SP4: variants seen among roughly 807,000 people sequenced by gnomAD.
SP4 encodes the protein transcription factor Sp4.
SP4 carries 19 observed loss-of-function variants against 72.8 expected under a neutral mutation model. The ratio of observed to expected loss-of-function variants is 0.26; its 90% CI spans 0.18 to 0.38. SP4 has a LOEUF of 0.38. Ranked by LOEUF, SP4 falls within the 10% of genes least tolerant of loss-of-function variation. The probability of loss-of-function intolerance (pLI) is 1.00; values close to 1 mark genes in which losing one functional copy is unlikely to be tolerated. For missense variants in SP4, 1,008 were observed against 926.3 expected, an observed-to-expected ratio of 1.09 and a Z score of -1.14; for synonymous variants, 395 against 333.1, an observed-to-expected ratio of 1.19 and a Z score of -2.02.
At chr7:21,438,018 T>C (rs79621484) in intron 3 of SP4, among the ~76,000 whole-genome samples, 4 of 151,676 alleles carry the variant, frequency 2.6e-5, no homozygotes, top group Admixed American at 2.0e-4. Flanking sequence ...TTTTTTTTTT[T>C]CTAACGTAGT....
chr7:21,502,047 C>G lies in SP4; in HGVS notation c.2108-8975C>G, dbSNP rs1020251132. 4.4e-5 allele frequency among the ~76,000 whole-genome samples: 5 copies of G among 114,770 alleles called. 1 individual carries two copies. Among genetic ancestry groups the G allele is most frequent in the Non-Finnish European group, 5.4e-5 (3 of 55,170 alleles). The allele number at this position is 114,770 out of a possible 152,430, so 75.3% of individuals were successfully genotyped here. ...GCCTTAAATTCATTAGGCACCCCCC[C>G]CCCCCCGGAACTCCTATAGAGTTAA... is the stretch of plus-strand genomic sequence containing the variant. On this transcript the variant is annotated intron_variant, in intron 5 of 5. Coordinates refer to ENST00000222584, the MANE Select transcript of SP4 (RefSeq NM_003112.5).
chr7:21,454,806 CA>C (rs1430902126), intron 3 of SP4, among the ~76,000 whole-genome samples: 3 of 152,116 alleles, frequency 2.0e-5, no homozygotes, highest in African/African-American at 7.2e-5. Flanking sequence ...GGCTATTAGA[CA>C]GATGAATTCA....
At chr7:21,482,578 AATATT>A in intron 5 of SP4, 1 of 734,820 alleles carries the variant, frequency 1.4e-6, no homozygotes, top group East Asian at 1.3e-4. Flanking sequence ...GTCAGTTGTT[AATATT>A]ATATTTTCTG....
intron 5 of SP4, among the ~76,000 whole-genome samples, chr7:21,510,093 C>T (rs1782104257): frequency 6.6e-6 from 1 of 152,172 alleles, no homozygotes; most frequent in Non-Finnish European, 1.5e-5. Flanking sequence ...ATTCAGTTAT[C>T]TCCCACTGGG....
chr7:21,454,899 C>A lies in SP4; in HGVS notation c.1679-22180C>A, dbSNP rs147270416. ...TTCTTTTTAGGGAAGGGGTGCCATA[C>A]GCCCCCATTACCTGACAGGATTTGG... On this transcript the variant is annotated intron_variant, in intron 3 of 5. Transcript: ENST00000222584. Among the ~76,000 whole-genome samples, 3 of 152,314 alleles carry A rather than the reference C, an allele frequency of 2.0e-5. No homozygotes were observed. In the East Asian group the frequency reaches 5.8e-4, roughly 29 times the overall value.
At chr7:21,458,117 T>C (rs908855309) in intron 3 of SP4, among the ~76,000 whole-genome samples, 1 of 152,168 alleles carries the variant, frequency 6.6e-6, no homozygotes, top group Non-Finnish European at 1.5e-5. Flanking sequence ...GTTCATTTCT[T>C]GTCTGACCAC....
chr7:21,500,107 ATGGTATTCTC>A (rs1168117537), intron 5 of SP4, among the ~76,000 whole-genome samples: 1 of 152,222 alleles, frequency 6.6e-6, no homozygotes, highest in Non-Finnish European at 1.5e-5. Flanking sequence ...GTGATAAAGC[ATGGTATTCTC>A]TTAGATAATC....
chr7:21,429,646 G>A lies in SP4; in HGVS notation c.481G>A (p.Gly161Ser), dbSNP rs919758319. The A allele has an allele frequency of 2.9e-5, 47 of 1,613,930 alleles. No homozygotes were observed. The highest frequency in any genetic ancestry group is 4.0e-5 in the African/African-American group (3 of 74,894). The change falls in exon 3 of 6, where the codon GGT becomes AGT. Residue 161 changes from glycine to serine, a missense_variant. By Grantham distance (56) the Gly-to-Ser change is moderately conservative (BLOSUM62 0). This residue lies in a region of SP4 where 893 missense variants were observed against 743.3 expected (regional missense o/e 1.20). Coordinates refer to ENST00000222584, the MANE Select transcript of SP4 (RefSeq NM_003112.5). ...FQVIQVQNPS[G>S]SVQYQVIPQL... ...AGTCATACAAGTACAAAATCCAAGTGGTAGTGTACAGTACCAAGTAATTCC... is the reference window on the plus strand; with the variant it reads ...AGTCATACAAGTACAAAATCCAAGTAGTAGTGTACAGTACCAAGTAATTCC...
At chr7:21,438,757 C>G (rs1191927901) in intron 3 of SP4, among the ~76,000 whole-genome samples, 1 of 152,162 alleles carries the variant, frequency 6.6e-6, no homozygotes, top group Non-Finnish European at 1.5e-5. Flanking sequence ...GTGGTGAAAT[C>G]TCAGTCTGTC....
intron 3 of SP4, among the ~76,000 whole-genome samples, chr7:21,468,946 C>T (rs915328245): frequency 6.6e-6 from 1 of 152,118 alleles, no homozygotes; most frequent in Non-Finnish European, 1.5e-5. Flanking sequence ...ATGAATGCAG[C>T]TCTTTATATA....
At chr7:21,457,265 C>G (rs969415292) in intron 3 of SP4, among the ~76,000 whole-genome samples, 1 of 152,142 alleles carries the variant, frequency 6.6e-6, no homozygotes, top group South Asian at 2.1e-4. Flanking sequence ...TATACTTGGT[C>G]TAGCATGAGG....
intron 3 of SP4, among the ~76,000 whole-genome samples, chr7:21,460,359 C>T (rs1310307989): frequency 6.6e-6 from 1 of 151,974 alleles, no homozygotes; most frequent in Non-Finnish European, 1.5e-5. Context: ...TGTTACAGCT[C>T]TTAAGGCAGT....
At chr7:21,435,821 G>C (rs898986877) in intron 3 of SP4, among the ~76,000 whole-genome samples, 3 of 151,122 alleles carry the variant, frequency 2.0e-5, no homozygotes, top group Non-Finnish European at 4.4e-5. Flanking sequence ...ACTCAAAGTA[G>C]AGCCACATTA....
At chr7:21,435,402 C>T (rs1562584582) in intron 3 of SP4, among the ~76,000 whole-genome samples, 1 of 151,844 alleles carries the variant, frequency 6.6e-6, no homozygotes, top group Non-Finnish European at 1.5e-5. Context: ...AAATAGGTAC[C>T]AAAGAAAATA....
chr7:21,491,690 A>T (rs1034982747), intron 5 of SP4, among the ~76,000 whole-genome samples: 1 of 152,250 alleles, frequency 6.6e-6, no homozygotes, highest in South Asian at 2.1e-4. Context: ...AATTCAAATT[A>T]TGGCGGATTT....
At position 21,428,202 on chromosome 7, in the gene SP4, C is replaced by CCCCCCCCCAA; in HGVS notation, c.-49_-48insCCCCCCCAAC. 2 of 1,206,792 alleles carry CCCCCCCCCAA rather than the reference C, an allele frequency of 1.7e-6. No individual in the cohort carries two copies. The highest frequency in any genetic ancestry group is 2.9e-5 in the East Asian group (1 of 34,948). The allele number at this position is 1,206,792 out of a possible 1,614,324, so 74.8% of individuals were successfully genotyped here. A position where few individuals can be genotyped will look rare whatever the true frequency, so the allele number is the denominator to read the frequency against. ...CCTCCCGCCTCGCCCCCACCCCCAC[C>CCCCCCCCCAA]CACCTCTATCCCAGTGTCTCCGTCT... On this transcript the variant is annotated 5_prime_UTR_variant, in exon 1 of 6. Coordinates refer to ENST00000222584, the MANE Select transcript of SP4 (RefSeq NM_003112.5).
intron 3 of SP4, among the ~76,000 whole-genome samples, chr7:21,458,130 C>T (rs1375145985): frequency 6.6e-6 from 1 of 151,414 alleles, no homozygotes; most frequent in Admixed American, 6.6e-5. Context: ...CTGACCACGT[C>T]TTTAAATTAT....
chr7:21,461,291 G>C (rs946407255), intron 3 of SP4, among the ~76,000 whole-genome samples: 21 of 152,084 alleles, frequency 1.4e-4, no homozygotes, highest in Non-Finnish European at 2.2e-4. Context: ...GAGCCCACGG[G>C]GGTTGGGGGA....
chr7:21,463,412 T>G (rs527242270), intron 3 of SP4, among the ~76,000 whole-genome samples: 1 of 152,338 alleles, frequency 6.6e-6, no homozygotes, highest in Non-Finnish European at 1.5e-5. Context: ...TTATTAGCCC[T>G]CCTGTAATCT....
Sources: allele counts gnomAD v4.1 joint callset (sites outside exome capture counted in the v4.1 genomes callset), GRCh38; gene constraint gnomAD v4.1.1; regional missense constraint gnomAD v4.1.1; transcripts MANE v1.5; gene names NCBI Gene and HGNC (gene_info 2026-07-23, HGNC 2026-07-21).